JAZF1: variants seen among roughly 807,000 people sequenced by gnomAD.
JAZF1 encodes the protein juxtaposed with another zinc finger protein 1.
JAZF1 carries 8 observed loss-of-function variants against 26.4 expected under a neutral mutation model. The ratio of observed to expected loss-of-function variants is 0.30; its 90% CI spans 0.18 to 0.55. The LOEUF (loss-of-function observed/expected upper bound fraction) is 0.55, where lower values mean the gene tolerates loss of function less well. Among genes scored for constraint, JAZF1 ranks in the 20% least tolerant of loss-of-function variants. The pLI is 0.94. For missense variants in JAZF1, 199 were observed against 322.0 expected, an observed-to-expected ratio of 0.62 and a Z score of 2.92; for synonymous variants, 126 against 122.3, an observed-to-expected ratio of 1.03 and a Z score of -0.20.
At chr7:27,893,274 C>A (rs898057633) in intron 3 of JAZF1, among the ~76,000 whole-genome samples, 1 of 152,222 alleles carries the variant, frequency 6.6e-6, no homozygotes, top group Non-Finnish European at 1.5e-5. Flanking sequence ...TATTCTGAAA[C>A]ACACTTTGCA....
At chr7:28,105,290 C>T (rs866028924) in intron 1 of JAZF1, among the ~76,000 whole-genome samples, 10 of 152,266 alleles carry the variant, frequency 6.6e-5, no homozygotes, top group Middle Eastern at 6.8e-3. Flanking sequence ...TCTGTAAGTT[C>T]AAAGGAACTA....
chr7:27,862,410 T>C (rs1228752660), intron 3 of JAZF1, among the ~76,000 whole-genome samples: 2 of 150,598 alleles, frequency 1.3e-5, no homozygotes, highest in Non-Finnish European at 1.5e-5. Flanking sequence ...TTTATGTCCA[T>C]GAGTACCCAA....
chr7:27,971,583 G>A (rs546099081), intron 2 of JAZF1, among the ~76,000 whole-genome samples: 23 of 152,282 alleles, frequency 1.5e-4, no homozygotes, highest in African/African-American at 5.5e-4. Flanking sequence ...AGCAATATGA[G>A]AGTACTCTAC....
At chr7:27,998,409 T>C (rs560398332) in intron 1 of JAZF1, among the ~76,000 whole-genome samples, 1 of 152,340 alleles carries the variant, frequency 6.6e-6, no homozygotes, top group Admixed American at 6.5e-5. Context: ...AGACCAACTT[T>C]TAATTCATGG....
intron 1 of JAZF1, among the ~76,000 whole-genome samples, chr7:28,084,282 T>C (rs568311422): frequency 6.6e-6 from 1 of 152,300 alleles, no homozygotes; most frequent in South Asian, 2.1e-4. Flanking sequence ...AGTCTCCCCA[T>C]ATCCCCAAAA....
At chr7:27,883,677 T>C (rs1783808736) in intron 3 of JAZF1, among the ~76,000 whole-genome samples, 1 of 152,212 alleles carries the variant, frequency 6.6e-6, no homozygotes, top group Non-Finnish European at 1.5e-5. Context: ...GGAAGCACTC[T>C]TTATCTCATG....
At chr7:27,951,407 T>C (rs1209897782) in intron 2 of JAZF1, among the ~76,000 whole-genome samples, 1 of 152,222 alleles carries the variant, frequency 6.6e-6, no homozygotes, top group African/African-American at 2.4e-5. Flanking sequence ...TTTTGCCAGG[T>C]TCTAAGGCAT....
intron 2 of JAZF1, among the ~76,000 whole-genome samples, chr7:27,934,979 T>C (rs1438373311): frequency 1.3e-5 from 2 of 152,196 alleles, no homozygotes; most frequent in East Asian, 3.8e-4. Context: ...ATCCAGAATA[T>C]AAAAAGAACT....
intron 3 of JAZF1, among the ~76,000 whole-genome samples, chr7:27,848,292 C>G (rs574637082): frequency 2.0e-5 from 3 of 152,102 alleles, no homozygotes; most frequent in Non-Finnish European, 2.9e-5. Flanking sequence ...TAAATTTATT[C>G]CTTTTTTTGA....
chr7:28,098,519 T>C (rs113224479), intron 1 of JAZF1, among the ~76,000 whole-genome samples: 126 of 152,218 alleles, frequency 8.3e-4, no homozygotes, highest in Middle Eastern at 3.4e-3. Context: ...ACTAAACAAA[T>C]AGCACTCAAT....
At chr7:28,103,460 T>C (rs552499938) in intron 1 of JAZF1, among the ~76,000 whole-genome samples, 5 of 152,128 alleles carry the variant, frequency 3.3e-5, no homozygotes, top group African/African-American at 1.2e-4. Flanking sequence ...ATCTCTAAAA[T>C]ATTTTTTTTT....
chr7:28,007,616 G>T (rs983228798), intron 1 of JAZF1, among the ~76,000 whole-genome samples: 1 of 152,136 alleles, frequency 6.6e-6, no homozygotes, highest in African/African-American at 2.4e-5. Flanking sequence ...TCTTGGGGCT[G>T]GCAGGCAACT....
intron 3 of JAZF1, among the ~76,000 whole-genome samples, chr7:27,884,269 T>A (rs1562518140): frequency 6.6e-6 from 1 of 152,194 alleles, no homozygotes; most frequent in South Asian, 2.1e-4. Context: ...TAACTGGGAC[T>A]ACAGGCATGT....
At chr7:27,906,646 A>C (rs1020882551) in intron 2 of JAZF1, among the ~76,000 whole-genome samples, 1 of 152,248 alleles carries the variant, frequency 6.6e-6, no homozygotes, top group Non-Finnish European at 1.5e-5. Context: ...GAATAAAATA[A>C]ACCATGGTCT....
At chr7:28,126,726 G>C (rs1212256188) in intron 1 of JAZF1, among the ~76,000 whole-genome samples, 1 of 152,198 alleles carries the variant, frequency 6.6e-6, no homozygotes, top group Non-Finnish European at 1.5e-5. Flanking sequence ...TGTCTCTAGA[G>C]CCACCTCAGG....
chr7:27,858,970 A>G (rs529069957), intron 3 of JAZF1, among the ~76,000 whole-genome samples: 15 of 152,214 alleles, frequency 9.9e-5, no homozygotes, highest in Non-Finnish European at 2.1e-4. Flanking sequence ...AAATTTTTGC[A>G]ATCTATCCAT....
intron 1 of JAZF1, among the ~76,000 whole-genome samples, chr7:28,144,893 G>C (rs559755865): frequency 6.6e-6 from 1 of 152,288 alleles, no homozygotes; most frequent in East Asian, 1.9e-4. Context: ...ATTCCAAGAA[G>C]GGAAAGTAAA....
chr7:27,933,344 T>C (rs1041152137), intron 2 of JAZF1, among the ~76,000 whole-genome samples: 2 of 152,148 alleles, frequency 1.3e-5, no homozygotes, highest in African/African-American at 2.4e-5. Context: ...ACTCCAAGCA[T>C]GGAGAGGGTA....
chr7:28,059,846 C>T (rs532835324), intron 1 of JAZF1, among the ~76,000 whole-genome samples: 1 of 152,294 alleles, frequency 6.6e-6, no homozygotes, highest in Non-Finnish European at 1.5e-5. Context: ...TTGAAAGCTA[C>T]ATGTCTTTTC....
Sources: allele counts gnomAD v4.1 joint callset (sites outside exome capture counted in the v4.1 genomes callset), GRCh38; gene constraint gnomAD v4.1.1; transcripts MANE v1.5; gene names NCBI Gene and HGNC (gene_info 2026-07-23, HGNC 2026-07-21).